Variants in GPC6 observed in about 807,000 individuals in gnomAD.
GPC6 encodes the protein glypican 6.
In GPC6, 14 loss-of-function variants were observed where a neutral mutation model predicts 55.2. The observed-to-expected ratio is 0.25, with a 90% CI of 0.17 to 0.40. The LOEUF (loss-of-function observed/expected upper bound fraction) is 0.40. Ranked by LOEUF, GPC6 falls within the 10% of genes least tolerant of loss-of-function variation. The pLI, the probability that GPC6 is intolerant of heterozygous loss-of-function variation, is 1.00. For missense variants in GPC6, 641 were observed against 708.5 expected (o/e 0.90, Z 1.08); for synonymous variants, 278 against 259.6 (o/e 1.07, Z -0.68).
At chr13:94,005,687 C>CTGAA (rs1444580264) in intron 3 of GPC6, among the ~76,000 whole-genome samples, 2 of 152,124 alleles carry the variant, frequency 1.3e-5, no homozygotes, top group Admixed American at 1.3e-4. Flanking sequence ...AGACTGTATT[C>CTGAA]TAAAGTGTTG....
chr13:93,429,864 T>C (rs1041501608), intron 1 of GPC6, among the ~76,000 whole-genome samples: 24 of 152,120 alleles, frequency 1.6e-4, no homozygotes, highest in African/African-American at 4.3e-4. Flanking sequence ...TGAGCCAGGA[T>C]TGTACTTCCT....
chr13:94,134,535 G>A (rs544070930), intron 4 of GPC6, among the ~76,000 whole-genome samples: 12 of 152,088 alleles, frequency 7.9e-5, no homozygotes, highest in African/African-American at 2.4e-4. Context: ...GCTCATAAAC[G>A]TGCCCATTAG....
intron 4 of GPC6, among the ~76,000 whole-genome samples, chr13:94,200,253 C>T (rs903222408): frequency 4.0e-5 from 6 of 151,854 alleles, no homozygotes; most frequent in South Asian, 2.1e-4. Context: ...AGAGCTAAAG[C>T]GTTGGAAAAG....
rs1888533147 is a variant in GPC6 at position 93,854,642 on chromosome 13, A to G, written c.711+24097A>G. On this transcript the variant is annotated intron_variant, in intron 3 of 8. Transcript: ENST00000377047. Reference sequence around the variant, plus strand: ...TGATTTTTAAGAAGCATCTACATACATGGAATAACGTTTTAATTATTGACT... The same window carrying G: ...TGATTTTTAAGAAGCATCTACATACGTGGAATAACGTTTTAATTATTGACT... Among the ~76,000 whole-genome samples, 2 of 151,792 alleles carry G rather than the reference A, an allele frequency of 1.3e-5. 1 individual carries two copies. Among genetic ancestry groups the G allele is most frequent in the South Asian group, 4.1e-4 (2 of 4,830 alleles).
At position 93,830,631 on chromosome 13, in the gene GPC6, A is replaced by AC. The variant is rs773779373; in HGVS notation, c.711+86_711+87insC. On this transcript the variant is annotated intron_variant, in intron 3 of 8. Coordinates refer to ENST00000377047, the MANE Select transcript of GPC6 (RefSeq NM_005708.5). ...AATGTTTAAAAAAAAAAAAAAAAAA[A>AC]AAAAAAACCAAGGTAAAAATTCTTA... is the stretch of plus-strand genomic sequence containing the variant. 5,308 of 1,162,318 alleles carry AC rather than the reference A, an allele frequency of 4.6e-3. 23 individuals carry two copies. Among genetic ancestry groups the AC allele is most frequent in the Non-Finnish European group, 5.5e-3 (4,586 of 830,398 alleles). 72.0% of individuals were successfully genotyped at this position (1,162,318 alleles called of 1,614,324 possible).
intron 4 of GPC6, among the ~76,000 whole-genome samples, chr13:94,265,730 G>C (rs1396126807): frequency 6.6e-6 from 1 of 152,166 alleles, no homozygotes; most frequent in Admixed American, 6.5e-5. Flanking sequence ...AAGTGATTAA[G>C]CAAAATAGTA....
intron 2 of GPC6, among the ~76,000 whole-genome samples, chr13:93,697,833 T>C (rs1420293429): frequency 1.3e-5 from 2 of 152,156 alleles, no homozygotes; most frequent in African/African-American, 2.4e-5. Flanking sequence ...AGATCAACTA[T>C]CCCTTTTCTT....
intron 4 of GPC6, among the ~76,000 whole-genome samples, chr13:94,068,813 C>T (rs910129355): frequency 3.9e-5 from 6 of 152,272 alleles, no homozygotes; most frequent in Admixed American, 3.9e-4. Flanking sequence ...GAGGTGGGCT[C>T]CCATGGTCTT....
chr13:93,716,499 A>G (rs774090350), intron 2 of GPC6, among the ~76,000 whole-genome samples: 1 of 151,640 alleles, frequency 6.6e-6, no homozygotes, highest in East Asian at 2.0e-4. Context: ...AAACAAAATT[A>G]AAATGTAAAA....
chr13:93,499,603 C>T (rs962958711), intron 1 of GPC6, among the ~76,000 whole-genome samples: 10 of 152,190 alleles, frequency 6.6e-5, no homozygotes, highest in African/African-American at 2.4e-4. Flanking sequence ...CTAGCTTCTC[C>T]TGCATGTGGG....
intron 5 of GPC6, among the ~76,000 whole-genome samples, chr13:94,293,405 CCTT>C (rs1875114367): frequency 6.6e-6 from 1 of 152,174 alleles, no homozygotes; most frequent in African/African-American, 2.4e-5. Flanking sequence ...GACAGTTCCT[CCTT>C]CACACACTCT....
Position 94,281,545 on chromosome 13 carries a change from CAAG to C in GPC6, c.878-4800_878-4798del, listed in dbSNP as rs142759205. 3.8e-4 allele frequency among the ~76,000 whole-genome samples: 58 copies of C among 152,252 alleles called. No homozygotes were observed. In the East Asian group the frequency reaches 0.011, roughly 29 times the overall value. ...TTTCTGATTTTATGTCTCTTTTTCTCAAGAAGCAAATTGCAAGTGTATGTATAA... is the reference window on the plus strand; with the variant it reads ...TTTCTGATTTTATGTCTCTTTTTCTCAAGCAAATTGCAAGTGTATGTATAA... On this transcript the variant is annotated intron_variant, in intron 4 of 8. Transcript: ENST00000377047.
At chr13:93,656,275 AT>A (rs1301984668) in intron 2 of GPC6, among the ~76,000 whole-genome samples, 11 of 152,150 alleles carry the variant, frequency 7.2e-5, no homozygotes, top group Non-Finnish European at 1.5e-5. Flanking sequence ...TCATCAAATA[AT>A]TTTGAAAGAT....
chr13:93,542,015 C>T (rs1882326870), intron 1 of GPC6, among the ~76,000 whole-genome samples: 1 of 152,262 alleles, frequency 6.6e-6, no homozygotes, highest in Non-Finnish European at 1.5e-5. Context: ...TGTGCAGAAG[C>T]TCTTTAGTTT....
chr13:93,234,071 T>G (rs986096714), intron 1 of GPC6, among the ~76,000 whole-genome samples: 1 of 152,164 alleles, frequency 6.6e-6, no homozygotes, highest in South Asian at 2.1e-4. Flanking sequence ...CTGCTAGCCA[T>G]ATGTAAGACA....
At chr13:93,966,338 T>G (rs1473491445) in intron 3 of GPC6, among the ~76,000 whole-genome samples, 1 of 152,162 alleles carries the variant, frequency 6.6e-6, no homozygotes, top group Non-Finnish European at 1.5e-5. Flanking sequence ...CCTAAAACAA[T>G]ATAAAAGAGT....
chr13:93,662,409 C>A (rs193251182), intron 2 of GPC6, among the ~76,000 whole-genome samples: 128 of 152,256 alleles, frequency 8.4e-4, no homozygotes, highest in African/African-American at 2.8e-3. Context: ...GTGGGCAGAT[C>A]ACCTGAGGTC....
intron 4 of GPC6, among the ~76,000 whole-genome samples, chr13:94,125,006 T>A (rs907518429): frequency 6.6e-6 from 1 of 152,086 alleles, no homozygotes; most frequent in African/African-American, 2.4e-5. Flanking sequence ...AATTTTTTTT[T>A]ACCAAGCCAT....
In GPC6 at chr13:93,682,844, C is replaced by CAA. The variant is rs34479352; in HGVS notation, c.319+137439_319+137440dup. ...GGAACATGGCAAAACCCTGTCTCTA[C>CAA]AAAAAAAAAAAAAAAAAGGGAAAAG... On this transcript the variant is annotated intron_variant, in intron 2 of 8. Transcript: ENST00000377047. 3.4e-3 allele frequency among the ~76,000 whole-genome samples: 368 copies of CAA among 108,756 alleles called. 3 individuals are homozygous for CAA. Among genetic ancestry groups the CAA allele is most frequent in the Admixed American group, 4.8e-3 (48 of 9,964 alleles). The allele number at this position is 108,756 out of a possible 152,430, so 71.3% of individuals were successfully genotyped here.
Sources: gnomAD v4.1 joint callset for allele counts (sites outside exome capture counted in the v4.1 genomes callset) on GRCh38, gnomAD v4.1.1 for gene constraint, MANE v1.5 for transcripts, NCBI Gene and HGNC (gene_info 2026-07-23, HGNC 2026-07-21) for gene names.